The following ZNF474 variants were observed in gnomAD, a reference collection of about 807,000 sequenced individuals.
ZNF474 encodes the protein 4933409D10Rik.
For synonymous variants in ZNF474, 192 were observed against 162.2 expected (o/e 1.18, Z -1.39); for missense variants, 511 against 433.8 (o/e 1.18, Z -1.58).
In ZNF474 at chr5:122,152,728, G is replaced by GTGGAAAA; in HGVS notation, c.748_754dup (p.Asp252GlyfsTer3). 1.2e-6 allele frequency: 2 copies of GTGGAAAA among 1,614,180 alleles called. No individual in the cohort carries two copies. The highest frequency in any genetic ancestry group is 1.7e-6 in the Non-Finnish European group (2 of 1,180,046). ...TTCATGAGCCCAAATGCCTGGAAAA[G>GTGGAAAA]TGGAAAATGGAAAATGACCGGCTCC... is the stretch of plus-strand genomic sequence containing the variant. On this transcript the variant is annotated frameshift_variant, in exon 2 of 2. Coordinates refer to ENST00000296600, the MANE Select transcript of ZNF474 (RefSeq NM_207317.3). LOFTEE classifies it low-confidence loss of function (END_TRUNC).
At chr5:122,142,012 C>G (rs1456060739) in intron 1 of ZNF474, among the ~76,000 whole-genome samples, 10 of 152,140 alleles carry the variant, frequency 6.6e-5, no homozygotes, top group Admixed American at 6.5e-4. Flanking sequence ...AGATATAAGC[C>G]ACATTTTTCT....
chr5:122,151,619 G>A (rs1464310767), intron 1 of ZNF474, among the ~76,000 whole-genome samples, 160 bp from the exon 2 acceptor site: 2 of 151,562 alleles, frequency 1.3e-5, no homozygotes, highest in Non-Finnish European at 1.5e-5. Context: ...CCCATATGCT[G>A]GTTACTGTGC....
intron 1 of ZNF474, among the ~76,000 whole-genome samples, chr5:122,148,987 C>G (rs1421569741): frequency 6.6e-6 from 1 of 152,136 alleles, no homozygotes; most frequent in Non-Finnish European, 1.5e-5. Context: ...ACCTCGGCCT[C>G]CCAAAGTGCT....
At chr5:122,137,502 GACAATATTTAAAT>G (rs1349681586) in intron 1 of ZNF474, among the ~76,000 whole-genome samples, 22 of 137,966 alleles carry the variant, frequency 1.6e-4, no homozygotes, top group Non-Finnish European at 2.6e-4. Context: ...GGCCTGAGTT[GACAATATTTAAAT>G]AGAGACCTGA....
intron 1 of ZNF474, among the ~76,000 whole-genome samples, chr5:122,142,360 T>G (rs1266320210): frequency 6.6e-6 from 1 of 152,250 alleles, no homozygotes; most frequent in African/African-American, 2.4e-5. Context: ...ATGTGTGACT[T>G]AAAATATACA....
Position 122,133,840 on chromosome 5 carries a change from G to A in ZNF474, c.-213+4157G>A, listed in dbSNP as rs142771348. On this transcript the variant is annotated intron_variant, in intron 1 of 1. Coordinates refer to ENST00000296600, the MANE Select transcript of ZNF474 (RefSeq NM_207317.3). ...TTCCCAAAATGCTGAGATTACAGGCGTGAGCCATAGCGCCCAGCTCCAGCT... is the reference window on the plus strand; with the variant it reads ...TTCCCAAAATGCTGAGATTACAGGCATGAGCCATAGCGCCCAGCTCCAGCT... 1.8e-4 allele frequency among the ~76,000 whole-genome samples: 28 copies of A among 152,340 alleles called. No homozygotes were observed. The East Asian group carries it at 4.2e-3, about 23-fold the overall frequency.
At position 122,152,828 on chromosome 5, in the gene ZNF474, A is replaced by T; in HGVS notation, c.838A>T (p.Asn280Tyr). The change falls in exon 2 of 2, where the codon AAT (asparagine) becomes TAT (tyrosine). Residue 280 changes from asparagine to tyrosine, a missense_variant. Asn to Tyr is a moderately radical substitution (Grantham distance 143). Transcript: ENST00000296600. ...TGCACAGTCCAGCCAAGCGGGACCA[A>T]ATCAAGCTCAGCTTGTGTTCTGCCC... The part of the protein sequence containing the change: ...PNAQSSQAGP[N>Y]QAQLVFCPHC... 1 of 1,614,150 alleles carries T rather than the reference A, an allele frequency of 6.2e-7. No individual in the cohort carries two copies. The highest frequency in any genetic ancestry group is 2.2e-5 in the East Asian group (1 of 44,876).
intron 1 of ZNF474, among the ~76,000 whole-genome samples, chr5:122,151,405 T>C (rs1209320958): frequency 6.6e-6 from 1 of 152,166 alleles, no homozygotes; most frequent in Admixed American, 6.5e-5. Context: ...GCTGATTTCA[T>C]TAATCTAATA....
Position 122,153,189 on chromosome 5 carries a change from C to A in ZNF474, c.*104C>A. 7.0e-7 allele frequency: 1 copy of A among 1,435,200 alleles called. No homozygotes were observed. Among genetic ancestry groups the A allele is most frequent in the East Asian group, 2.3e-5 (1 of 42,656 alleles). 88.9% of individuals were successfully genotyped at this position (1,435,200 alleles called of 1,614,324 possible). ...CAAAGCAGCCTGTTCAAGTTAACTC[C>A]CTGTTGAACTCCAGGGCCTATACCT... On this transcript the variant is annotated 3_prime_UTR_variant, in exon 2 of 2. Coordinates refer to ENST00000296600, the MANE Select transcript of ZNF474 (RefSeq NM_207317.3).
intron 1 of ZNF474, among the ~76,000 whole-genome samples, chr5:122,146,510 C>T (rs913074122): frequency 2.6e-5 from 4 of 151,742 alleles, no homozygotes; most frequent in African/African-American, 9.7e-5. Context: ...TGCGCCCAAA[C>T]CTCTACTCCC....
intron 1 of ZNF474, among the ~76,000 whole-genome samples, chr5:122,135,943 T>A (rs1193686802): frequency 8.0e-5 from 12 of 150,628 alleles, no homozygotes; most frequent in Non-Finnish European, 1.5e-4. Flanking sequence ...AAAAAAAAAA[T>A]GTGATCTCAT....
At chr5:122,137,311 G>C (rs944626004) in intron 1 of ZNF474, among the ~76,000 whole-genome samples, 3 of 151,882 alleles carry the variant, frequency 2.0e-5, no homozygotes, top group Admixed American at 2.0e-4. Context: ...AGCCAGGCGT[G>C]GTGGCAGGTG....
intron 1 of ZNF474, among the ~76,000 whole-genome samples, chr5:122,138,390 A>G (rs1190982413): frequency 1.3e-5 from 2 of 152,226 alleles, no homozygotes; most frequent in South Asian, 2.1e-4. Flanking sequence ...GGCAAAGGCA[A>G]ACATCCTCAT....
chr5:122,133,809 C>G (rs551841500), intron 1 of ZNF474, among the ~76,000 whole-genome samples: 7 of 152,322 alleles, frequency 4.6e-5, no homozygotes, highest in African/African-American at 1.7e-4. Flanking sequence ...AATCCTCCCA[C>G]CCTGGTTCCC....
Position 122,152,589 on chromosome 5 carries a change from A to G in ZNF474, c.599A>G (p.Asn200Ser), listed in dbSNP as rs1261384241. The G allele has an allele frequency of 1.9e-6, 3 of 1,614,124 alleles. No individual in the cohort carries two copies. The highest frequency in any genetic ancestry group is 2.5e-6 in the Non-Finnish European group (3 of 1,180,020). The change falls in exon 2 of 2, where the codon AAC becomes AGC. Residue 200 changes from asparagine to serine, a missense_variant. Physicochemically the swap from Asn to Ser is conservative, Grantham distance 46 (BLOSUM62 1). Transcript: ENST00000296600. ...KGEGPRAPHSNSSDHLTGLKK... is the reference protein window; with the variant it reads ...KGEGPRAPHSSSSDHLTGLKK... ...GAGGGTCCCAGAGCACCACACTCAA[A>G]CAGTTCTGATCATCTTACTGGCCTC...
At chr5:122,137,711 G>A (rs1580599326) in intron 1 of ZNF474, among the ~76,000 whole-genome samples, 1 of 152,268 alleles carries the variant, frequency 6.6e-6, no homozygotes, top group African/African-American at 2.4e-5. Flanking sequence ...AGCAAAAGGA[G>A]ATAGGCAGAG....
chr5:122,149,928 A>T (rs1756121024), intron 1 of ZNF474, among the ~76,000 whole-genome samples: 1 of 149,736 alleles, frequency 6.7e-6, no homozygotes, highest in African/African-American at 2.5e-5. Flanking sequence ...CGTGAGAGAG[A>T]GAGAGAGAGA....
chr5:122,145,380 G>A (rs13168248), intron 1 of ZNF474, among the ~76,000 whole-genome samples: 1 of 152,150 alleles, frequency 6.6e-6, no homozygotes, highest in Admixed American at 6.5e-5. Flanking sequence ...GATTGGCTGA[G>A]GTCTGCAGAT....
At chr5:122,130,733 T>G (rs190882477) in intron 1 of ZNF474, among the ~76,000 whole-genome samples, 1 of 152,256 alleles carries the variant, frequency 6.6e-6, no homozygotes, top group East Asian at 1.9e-4. Context: ...AAAAATCACA[T>G]GTATTTGGGG....
Sources: allele counts gnomAD v4.1 joint callset (sites outside exome capture counted in the v4.1 genomes callset), GRCh38; gene constraint gnomAD v4.1.1; transcripts MANE v1.5; gene names NCBI Gene and HGNC (gene_info 2026-07-23, HGNC 2026-07-21).